Variants in SEM1 observed in about 807,000 individuals in gnomAD.
The protein encoded by SEM1 is SEM1 26S proteasome subunit.
In SEM1, 3 loss-of-function variants were observed where a neutral mutation model predicts 12.7. That is an observed-to-expected ratio of 0.24 (90% confidence interval 0.11 to 0.61). The LOEUF (loss-of-function observed/expected upper bound fraction) is 0.61. SEM1 is among the 20% of genes least tolerant of loss of function. The pLI is 0.88. For synonymous variants in SEM1, 30 were observed against 27.8 expected (o/e 1.08, Z -0.25); for missense variants, 59 against 81.3 (o/e 0.73, Z 1.06).
At chr7:96,541,471 T>A (rs1804953159) in intron 2 of SEM1, among the ~76,000 whole-genome samples, 1 of 148,994 alleles carries the variant, frequency 6.7e-6, no homozygotes, top group Non-Finnish European at 1.5e-5. Flanking sequence ...CTGAATTGTT[T>A]AAGTTCCTTA....
chr7:96,624,805 T>C (rs1424118240), intron 2 of SEM1, among the ~76,000 whole-genome samples: 1 of 152,104 alleles, frequency 6.6e-6, no homozygotes, highest in Non-Finnish European at 1.5e-5. Flanking sequence ...ATAGGTCACA[T>C]GAGCACAGGA....
At chr7:96,634,591 GAT>G (rs1320327597) in intron 2 of SEM1, among the ~76,000 whole-genome samples, 5 of 148,006 alleles carry the variant, frequency 3.4e-5, no homozygotes, top group Non-Finnish European at 7.4e-5. Flanking sequence ...TTATATATAA[GAT>G]ATGTATATAA....
intron 2 of SEM1, among the ~76,000 whole-genome samples, chr7:96,585,077 T>C (rs1174185249): frequency 3.3e-5 from 5 of 151,972 alleles, no homozygotes; most frequent in Non-Finnish European, 5.9e-5. Context: ...TTCTGCTCTG[T>C]TTTTTCCCCA....
At chr7:96,644,331 C>A (rs1379081668) in intron 2 of SEM1, among the ~76,000 whole-genome samples, 3 of 152,098 alleles carry the variant, frequency 2.0e-5, no homozygotes, top group Non-Finnish European at 4.4e-5. Flanking sequence ...TGACCAAGTT[C>A]TATCAGCCTT....
chr7:96,590,005 C>T (rs1806778052), intron 2 of SEM1, among the ~76,000 whole-genome samples: 1 of 151,820 alleles, frequency 6.6e-6, no homozygotes, highest in African/African-American at 2.4e-5. Flanking sequence ...TACTAGAATG[C>T]AAAAAAAGGC....
chr7:96,528,518 A>G (rs1804541479), intron 2 of SEM1, among the ~76,000 whole-genome samples: 1 of 152,146 alleles, frequency 6.6e-6, no homozygotes, highest in South Asian at 2.1e-4. Flanking sequence ...GACAAATTTG[A>G]GAAGACTGAA....
chr7:96,512,361 T>A (rs968407340), intron 2 of SEM1, among the ~76,000 whole-genome samples: 1 of 152,066 alleles, frequency 6.6e-6, no homozygotes, highest in African/African-American at 2.4e-5. Context: ...CTGAGATTTA[T>A]AACAATTTTT....
intron 2 of SEM1, among the ~76,000 whole-genome samples, chr7:96,538,618 A>C (rs1433826524): frequency 6.6e-6 from 1 of 151,850 alleles, no homozygotes; most frequent in Admixed American, 6.6e-5. Flanking sequence ...TATTATACTG[A>C]AGCCCTGTTA....
chr7:96,543,117 A>G (rs770358810), intron 2 of SEM1, among the ~76,000 whole-genome samples: 22 of 151,612 alleles, frequency 1.5e-4, no homozygotes, highest in Non-Finnish European at 3.1e-4. Flanking sequence ...TTACCTCTCC[A>G]CATTTGTGGG....
chr7:96,489,155 C>T (rs1302604101), intron 1 of SEM1, among the ~76,000 whole-genome samples: 2 of 152,154 alleles, frequency 1.3e-5, no homozygotes, highest in Non-Finnish European at 2.9e-5. Flanking sequence ...GATGTACTCT[C>T]ACAGTGCCGC....
chr7:96,633,865 T>TAATA (rs1808347749), intron 2 of SEM1, among the ~76,000 whole-genome samples: 2 of 152,090 alleles, frequency 1.3e-5, no homozygotes, highest in African/African-American at 4.8e-5. Flanking sequence ...GCAGATGATA[T>TAATA]AATAGACTGC....
At chr7:96,623,898 C>T (rs1807973057) in intron 2 of SEM1, among the ~76,000 whole-genome samples, 1 of 152,096 alleles carries the variant, frequency 6.6e-6, no homozygotes, top group African/African-American at 2.4e-5. Context: ...CTTGTGTTAG[C>T]TCCTGGCATT....
At chr7:96,484,679 A>T in intron 3 of SEM1, 1 of 375,394 alleles carries the variant, frequency 2.7e-6, no homozygotes, top group Non-Finnish European at 5.1e-6. Flanking sequence ...ACAAGAAGTT[A>T]TTCCACTCAC....
At chr7:96,696,890 T>G (rs1291647205) in intron 1 of SEM1, 1 of 152,014 alleles carries the variant, frequency 6.6e-6, no homozygotes, top group Non-Finnish European at 1.5e-5. Context: ...TGTTTTAATT[T>G]TCAACTCTAA....
At chr7:96,618,864 T>C (rs1807798974), downstream of SEM1, among the ~76,000 whole-genome samples, 1 of 152,096 alleles carries the variant, frequency 6.6e-6, no homozygotes, top group South Asian at 2.1e-4. Flanking sequence ...AGTGGGAGGA[T>C]CACTTGAGCC....
At chr7:96,544,720 ATTTTATAT>A (rs1805055198) in intron 2 of SEM1, among the ~76,000 whole-genome samples, 8 of 152,118 alleles carry the variant, frequency 5.3e-5, no homozygotes, top group Non-Finnish European at 1.0e-4. Context: ...ATTAACACAT[ATTTTATAT>A]ATGTATAATA....
chr7:96,516,403 AT>A (rs1336155902), intron 2 of SEM1, among the ~76,000 whole-genome samples: 1 of 152,180 alleles, frequency 6.6e-6, no homozygotes, highest in Non-Finnish European at 1.5e-5. Context: ...AAACAACCTA[AT>A]TTAAAAAATG....
exon 4 of SEM1, chr7:96,482,575 A>G (rs998135920): frequency 6.6e-6 from 1 of 152,074 alleles, no homozygotes; most frequent in Non-Finnish European, 1.5e-5. Context: ...ACCAGTGGAA[A>G]GAGATCTTCA....
chr7:96,689,501 T>C (rs1004904289), intron 2 of SEM1, among the ~76,000 whole-genome samples: 1 of 152,184 alleles, frequency 6.6e-6, no homozygotes, highest in African/African-American at 2.4e-5. Flanking sequence ...ATGACAAAAT[T>C]AGTAGATGGC....
Sources: allele counts gnomAD v4.1 joint callset (sites outside exome capture counted in the v4.1 genomes callset), GRCh38; gene constraint gnomAD v4.1.1; transcripts MANE v1.5; gene names NCBI Gene and HGNC (gene_info 2026-07-23, HGNC 2026-07-21).